Variants in CDH7 observed in about 807,000 individuals in gnomAD.
CDH7 encodes cadherin-7.
In CDH7, 25 loss-of-function variants were observed where a neutral mutation model predicts 71.8. The observed-to-expected ratio is 0.35, with a 90% CI of 0.25 to 0.49. CDH7 has a LOEUF of 0.49. Ranked by LOEUF, CDH7 falls within the 20% of genes least tolerant of loss-of-function variation. The pLI is 0.99. For missense variants in CDH7, 862 were observed against 974.6 expected (o/e 0.88, Z 1.54); for synonymous variants, 381 against 363.8 (o/e 1.05, Z -0.54).
At chr18:65,862,203 CTGA>C (rs1913589855) in intron 10 of CDH7, among the ~76,000 whole-genome samples, 1 of 151,896 alleles carries the variant, frequency 6.6e-6, no homozygotes, top group Non-Finnish European at 1.5e-5. Context: ...GCTAAAGTAG[CTGA>C]TTTTACCCTT....
chr18:65,829,322 G>A (rs1912249011), intron 6 of CDH7, among the ~76,000 whole-genome samples: 1 of 151,984 alleles, frequency 6.6e-6, no homozygotes, highest in African/African-American at 2.4e-5. Context: ...GTTTCACCGT[G>A]TTAGCCAGGA....
At chr18:65,819,727 A>T (rs1911849569) in intron 4 of CDH7, among the ~76,000 whole-genome samples, 1 of 152,020 alleles carries the variant, frequency 6.6e-6, no homozygotes, top group African/African-American at 2.4e-5. Flanking sequence ...CTGGTTTTGC[A>T]ATATTGAGAT....
In CDH7 at chr18:65,887,618, G is replaced by A. The variant is rs1476386231; in HGVS notation, c.*6724G>A. ...GTGTGTGTGTATATATAGACAGCAT[G>A]CGCACACATACATACACGTGTGCAG... On this transcript the variant is annotated 3_prime_UTR_variant, in exon 12 of 12. Coordinates refer to ENST00000397968, the MANE Select transcript of CDH7 (RefSeq NM_004361.5). 1 of 152,062 alleles carries A rather than the reference G, an allele frequency of 6.6e-6. No homozygotes were observed. The highest frequency in any genetic ancestry group is 2.4e-5 in the African/African-American group (1 of 41,398). The allele number at this position is 152,062 out of a possible 1,614,324, so 9.4% of individuals were successfully genotyped here.
chr18:65,844,419 G>T (rs1402961528), intron 7 of CDH7, among the ~76,000 whole-genome samples: 1 of 151,786 alleles, frequency 6.6e-6, no homozygotes, highest in African/African-American at 2.4e-5. Context: ...ACATGCATAT[G>T]TTAGAAAAAT....
At chr18:65,835,634 G>A (rs1912506172) in intron 6 of CDH7, among the ~76,000 whole-genome samples, 1 of 152,184 alleles carries the variant, frequency 6.6e-6, no homozygotes. Flanking sequence ...CAGCTATAGT[G>A]CATGCTGGAA....
Position 65,762,916 on chromosome 18 carries a change from G to A in CDH7, c.74G>A (p.Ser25Asn). The A allele has an allele frequency of 6.2e-7, 1 of 1,613,626 alleles. No homozygotes were observed. Among genetic ancestry groups the A allele is most frequent in the Non-Finnish European group, 8.5e-7 (1 of 1,179,798 alleles). Residue 25 changes from serine (S) to asparagine (N), a missense_variant, in exon 2 of 12, where the codon AGT becomes AAT. Ser to Asn is a conservative substitution (Grantham distance 46). Transcript: ENST00000397968. The stretch of plus-strand genomic sequence containing the variant: ...CTTTTCCTGTGTTTTTCTGGGATGA[G>A]TCAAGCAGAACTCTCAAGGTCCAGA... ...IALFLCFSGM[S>N]QAELSRSRSK...
chr18:65,861,339 T>TG (rs1568226061), intron 10 of CDH7, among the ~76,000 whole-genome samples: 2,522 of 21,484 alleles, frequency 0.12, 61 homozygotes, highest in East Asian at 0.31. Flanking sequence ...GTGTGTGTGT[T>TG]TGTGTGTGTG....
At chr18:65,866,329 AAC>A (rs1451738901) in intron 11 of CDH7, 47 of 764 alleles carry the variant, frequency 0.062, 7 homozygotes, top group Non-Finnish European at 0.33. Context: ...AAAAAAAAAA[AAC>A]AAAAAAAAAA....
intron 2 of CDH7, among the ~76,000 whole-genome samples, chr18:65,763,891 G>A (rs865982355): frequency 1.3e-5 from 2 of 151,892 alleles, no homozygotes; most frequent in Non-Finnish European, 2.9e-5. Flanking sequence ...TCATGTTCTC[G>A]GTTCCTAGTC....
At chr18:65,871,681 A>T (rs1191305223) in intron 11 of CDH7, among the ~76,000 whole-genome samples, 1 of 152,202 alleles carries the variant, frequency 6.6e-6, no homozygotes, top group Non-Finnish European at 1.5e-5. Context: ...AGGAACGTTA[A>T]TGAGATTAAA....
chr18:65,761,271 G>GT (rs1271660323), intron 1 of CDH7, among the ~76,000 whole-genome samples: 12 of 152,122 alleles, frequency 7.9e-5, no homozygotes, highest in African/African-American at 2.9e-4. Context: ...ATTGGAACCT[G>GT]TTTTTTCTAG....
At chr18:65,860,932 C>A (rs1270299424) in intron 10 of CDH7, among the ~76,000 whole-genome samples, 1 of 152,136 alleles carries the variant, frequency 6.6e-6, no homozygotes, top group Non-Finnish European at 1.5e-5. Flanking sequence ...GTAGAGCATT[C>A]TCTACCTGGG....
intron 2 of CDH7, among the ~76,000 whole-genome samples, chr18:65,773,097 G>A (rs2143811017): frequency 6.6e-6 from 1 of 152,128 alleles, no homozygotes; most frequent in African/African-American, 2.4e-5. Context: ...CAGAGCTAAG[G>A]CATGTGTGTA....
chr18:65,835,625 A>G (rs980698008), intron 6 of CDH7, among the ~76,000 whole-genome samples: 2 of 152,232 alleles, frequency 1.3e-5, no homozygotes, highest in African/African-American at 4.8e-5. Context: ...TATTGGGTAC[A>G]GCTATAGTGC....
intron 2 of CDH7, among the ~76,000 whole-genome samples, chr18:65,791,742 A>G (rs1910719183): frequency 6.6e-6 from 1 of 152,248 alleles, no homozygotes; most frequent in Admixed American, 6.5e-5. Context: ...GACGTAATGT[A>G]TGTAATCCTG....
chr18:65,834,209 T>A (rs1288449079), intron 6 of CDH7, among the ~76,000 whole-genome samples: 1 of 152,230 alleles, frequency 6.6e-6, no homozygotes, highest in African/African-American at 2.4e-5. Flanking sequence ...ACTAGCTGAA[T>A]ACTTGCATTG....
chr18:65,755,950 A>C (rs1598981180), intron 1 of CDH7, among the ~76,000 whole-genome samples: 1 of 152,146 alleles, frequency 6.6e-6, no homozygotes, highest in African/African-American at 2.4e-5. Context: ...AAAGAAACAG[A>C]CTTCTCCTAG....
chr18:65,788,454 A>C (rs1910590089), intron 2 of CDH7, among the ~76,000 whole-genome samples: 1 of 152,186 alleles, frequency 6.6e-6, no homozygotes, highest in Non-Finnish European at 1.5e-5. Context: ...GAGAAAGAAA[A>C]AGAAAGACCC....
At chr18:65,829,977 A>G (rs1298763954) in intron 6 of CDH7, among the ~76,000 whole-genome samples, 3 of 152,158 alleles carry the variant, frequency 2.0e-5, no homozygotes, top group African/African-American at 4.8e-5. Context: ...CTGTCAGCCA[A>G]CTGGTCAGTC....
Sources: allele counts gnomAD v4.1 joint callset (sites outside exome capture counted in the v4.1 genomes callset), GRCh38; gene constraint gnomAD v4.1.1; transcripts MANE v1.5; gene names NCBI Gene and HGNC (gene_info 2026-07-23, HGNC 2026-07-21).